The following SH3GL2 variants were observed in gnomAD, a reference collection of about 807,000 sequenced individuals.
The protein encoded by SH3GL2 is SH3 domain containing GRB2 like 2, endophilin A1.
In SH3GL2, 24 loss-of-function variants were observed where a neutral mutation model predicts 46.0. The ratio of observed to expected loss-of-function variants is 0.52; its 90% CI spans 0.38 to 0.73. The LOEUF (loss-of-function observed/expected upper bound fraction) is 0.73, where lower values mean the gene tolerates loss of function less well. Among genes scored for constraint, SH3GL2 ranks in the 30% least tolerant of loss-of-function variants. SH3GL2 has a pLI of 0.00. For synonymous variants in SH3GL2, 196 were observed against 147.1 expected, an observed-to-expected ratio of 1.33 and a Z score of -2.40; for missense variants, 413 against 424.2, an observed-to-expected ratio of 0.97 and a Z score of 0.23.
At chr9:17,783,953 T>A (rs977383913) in intron 3 of SH3GL2, among the ~76,000 whole-genome samples, 1 of 152,206 alleles carries the variant, frequency 6.6e-6, no homozygotes, top group Non-Finnish European at 1.5e-5. Flanking sequence ...CTTAAAGTAC[T>A]GCTTCAAACA....
intron 1 of SH3GL2, among the ~76,000 whole-genome samples, chr9:17,672,438 G>C (rs1261656258): frequency 6.6e-6 from 1 of 152,086 alleles, no homozygotes; most frequent in African/African-American, 2.4e-5. Context: ...TAGAGAATAG[G>C]GTGGCTGAAT....
intron 3 of SH3GL2, among the ~76,000 whole-genome samples, chr9:17,773,854 G>A (rs1312240696): frequency 1.3e-5 from 2 of 152,010 alleles, no homozygotes; most frequent in African/African-American, 2.4e-5. Context: ...GACTTTGATA[G>A]GGATTGCATT....
chr9:17,741,137 C>T (rs1290567109), intron 1 of SH3GL2, among the ~76,000 whole-genome samples: 1 of 152,056 alleles, frequency 6.6e-6, no homozygotes, highest in Non-Finnish European at 1.5e-5. Flanking sequence ...CTCTTAAAAC[C>T]TATGCATACT....
At chr9:17,749,868 A>G (rs1000546145) in intron 2 of SH3GL2, among the ~76,000 whole-genome samples, 2 of 152,212 alleles carry the variant, frequency 1.3e-5, no homozygotes, top group African/African-American at 2.4e-5. Context: ...TATTTCTCCT[A>G]ATTTATAGAA....
chr9:17,725,758 G>A (rs1317915237), intron 1 of SH3GL2, among the ~76,000 whole-genome samples: 1 of 152,144 alleles, frequency 6.6e-6, no homozygotes, highest in African/African-American at 2.4e-5. Flanking sequence ...AACTGAATGG[G>A]GAAAGGAGAC....
chr9:17,783,083 T>C, intron 3 of SH3GL2, among the ~76,000 whole-genome samples: 1 of 152,098 alleles, frequency 6.6e-6, no homozygotes, highest in East Asian at 1.9e-4. Context: ...AAAGAATATT[T>C]TCCCCAGTAT....
rs933958001 is a variant in SH3GL2, at chr9:17,746,233, G to A, written c.46-833G>A. ...TGGGACTACAGGTGCCCGCCACCACGCCCAGCTAATTTTTTTGTATTTTTG... is the reference window on the plus strand; with the variant it reads ...TGGGACTACAGGTGCCCGCCACCACACCCAGCTAATTTTTTTGTATTTTTG... On this transcript the variant is annotated intron_variant, in intron 1 of 8. Coordinates refer to ENST00000380607, the MANE Select transcript of SH3GL2 (RefSeq NM_003026.5). Among the ~76,000 whole-genome samples the A allele has an allele frequency of 3.9e-5, 6 of 152,136 alleles. 1 individual carries two copies. The highest frequency in any genetic ancestry group is 4.1e-4 in the South Asian group (2 of 4,820).
chr9:17,652,113 T>A (rs1374756881), intron 1 of SH3GL2, among the ~76,000 whole-genome samples: 2 of 152,176 alleles, frequency 1.3e-5, no homozygotes, highest in Non-Finnish European at 2.9e-5. Flanking sequence ...GGCTTTATTC[T>A]CTTGGATTTG....
intron 1 of SH3GL2, among the ~76,000 whole-genome samples, chr9:17,628,492 A>G (rs1819341876): frequency 6.6e-6 from 1 of 151,804 alleles, no homozygotes; most frequent in African/African-American, 2.4e-5. Flanking sequence ...AAGTATGCAT[A>G]ACTGGGTCTA....
intron 1 of SH3GL2, among the ~76,000 whole-genome samples, chr9:17,635,046 T>C (rs1000208369): frequency 6.6e-6 from 1 of 152,144 alleles, no homozygotes; most frequent in African/African-American, 2.4e-5. Context: ...GGTAAATGTG[T>C]GTCATGGGAG....
At chr9:17,781,753 C>G (rs908110536) in intron 3 of SH3GL2, among the ~76,000 whole-genome samples, 21 of 152,232 alleles carry the variant, frequency 1.4e-4, no homozygotes, top group African/African-American at 4.8e-4. Context: ...CTCAGATTCT[C>G]CAGGTACCTA....
At chr9:17,623,804 A>G (rs1180762385) in intron 1 of SH3GL2, among the ~76,000 whole-genome samples, 1 of 151,796 alleles carries the variant, frequency 6.6e-6, no homozygotes, top group African/African-American at 2.4e-5. Context: ...TTTACTTCTA[A>G]TTACCTAAGT....
chr9:17,767,561 G>A lies in SH3GL2; in HGVS notation c.187+6052G>A, dbSNP rs563343407. Among the ~76,000 whole-genome samples the A allele has an allele frequency of 4.6e-5, 7 of 152,334 alleles. 1 individual carries two copies. In the South Asian group the frequency reaches 1.0e-3, roughly 23 times the overall value. ...ATTTACTGTTTTTTCCTGGAGGACA[G>A]GATAGCTTGTATTCATCTTTGCATC... On this transcript the variant is annotated intron_variant, in intron 3 of 8. Transcript: ENST00000380607.
chr9:17,650,876 C>T (rs945888488), intron 1 of SH3GL2, among the ~76,000 whole-genome samples: 8 of 152,028 alleles, frequency 5.3e-5, no homozygotes, highest in Non-Finnish European at 1.0e-4. Flanking sequence ...GTTTTCTGCC[C>T]ATCACTGGTC....
At chr9:17,753,815 T>C (rs1034926676) in intron 2 of SH3GL2, among the ~76,000 whole-genome samples, 4 of 152,294 alleles carry the variant, frequency 2.6e-5, no homozygotes, top group Non-Finnish European at 5.9e-5. Context: ...TCGGAGTTTA[T>C]ACATTTAAGT....
chr9:17,717,357 T>C (rs572654937), intron 1 of SH3GL2, among the ~76,000 whole-genome samples: 2 of 152,244 alleles, frequency 1.3e-5, no homozygotes, highest in South Asian at 2.1e-4. Context: ...TTTACTAACC[T>C]CCATCCAAAT....
rs1270864416 is a variant in SH3GL2, at chr9:17,746,993, G to C, written c.46-73G>C. ...ATTACATTAGATGACATTTGTGAAA[G>C]TGCTTAAAATTTCTAACACATTTTT... On this transcript the variant is annotated intron_variant, in intron 1 of 8. Transcript: ENST00000380607. 4 of 994,090 alleles carry C rather than the reference G, an allele frequency of 4.0e-6. No individual in the cohort carries two copies. The East Asian group carries it at 1.0e-4, about 26-fold the overall frequency. 61.6% of individuals were successfully genotyped at this position (994,090 alleles called of 1,614,324 possible).
At chr9:17,760,322 A>G (rs973327838) in intron 2 of SH3GL2, among the ~76,000 whole-genome samples, 2 of 152,138 alleles carry the variant, frequency 1.3e-5, no homozygotes, top group Admixed American at 6.6e-5. Context: ...GGAATGAAAA[A>G]TTATTAAGTA....
At chr9:17,606,295 C>T (rs1818760404) in intron 1 of SH3GL2, among the ~76,000 whole-genome samples, 1 of 152,110 alleles carries the variant, frequency 6.6e-6, no homozygotes, top group Non-Finnish European at 1.5e-5. Flanking sequence ...GTTTCACCAT[C>T]TCGGTCAGGC....
Sources: gnomAD v4.1 joint callset for allele counts (sites outside exome capture counted in the v4.1 genomes callset) on GRCh38, gnomAD v4.1.1 for gene constraint, MANE v1.5 for transcripts, NCBI Gene and HGNC (gene_info 2026-07-23, HGNC 2026-07-21) for gene names.